MTREX: variants seen among roughly 807,000 people sequenced by gnomAD.
MTREX encodes the protein Mtr4 exosome RNA helicase.
In MTREX, 76 loss-of-function variants were observed where a neutral mutation model predicts 135.4. The observed-to-expected ratio is 0.56, with a 90% CI of 0.47 to 0.68. The LOEUF is 0.68. MTREX is among the 30% of genes least tolerant of loss of function. MTREX has a pLI of 0.00. For synonymous variants in MTREX, 404 were observed against 401.6 expected (o/e 1.01, Z -0.07); for missense variants, 920 against 1,262.1 (o/e 0.73, Z 4.11).
At chr5:55,384,474 A>G (rs1337132146) in intron 18 of MTREX, among the ~76,000 whole-genome samples, 1 of 152,164 alleles carries the variant, frequency 6.6e-6, no homozygotes, top group African/African-American at 2.4e-5. Flanking sequence ...TATAGTGGCA[A>G]CTTTTAAGTC....
intron 25 of MTREX, among the ~76,000 whole-genome samples, chr5:55,422,133 C>T (rs772831670): frequency 6.6e-6 from 1 of 152,160 alleles, no homozygotes; most frequent in Non-Finnish European, 1.5e-5. Context: ...TGAAGTCAAG[C>T]GTTTTAGATT....
chr5:55,424,594 T>C, intron 26 of MTREX, 126 bp from the exon 27 acceptor site: 1 of 643,172 alleles, frequency 1.6e-6, no homozygotes, highest in Non-Finnish European at 2.8e-6. Context: ...AGCAAGGTGT[T>C]TGACTTTCTA....
At chr5:55,319,369 T>C (rs192830712) in intron 1 of MTREX, among the ~76,000 whole-genome samples, 16 of 152,368 alleles carry the variant, frequency 1.1e-4, no homozygotes, top group African/African-American at 3.1e-4. Context: ...TGTACTAGTC[T>C]TTGAATTTCA....
chr5:55,332,638 T>A (rs768771960), intron 5 of MTREX, among the ~76,000 whole-genome samples: 1 of 152,188 alleles, frequency 6.6e-6, no homozygotes, highest in Non-Finnish European at 1.5e-5. Context: ...GAGAGGAAAT[T>A]GGGCCTAACT....
At position 55,308,011 on chromosome 5, in the gene MTREX, A is replaced by G. The variant is rs763488508; in HGVS notation, c.-3A>G. 1.9e-6 allele frequency: 3 copies of G among 1,614,054 alleles called. No individual in the cohort carries two copies. Among genetic ancestry groups the G allele is most frequent in the Non-Finnish European group, 2.5e-6 (3 of 1,180,038 alleles). On this transcript the variant is annotated 5_prime_UTR_variant, in exon 1 of 27. Coordinates refer to ENST00000230640, the MANE Select transcript of MTREX (RefSeq NM_015360.5). ...GGGAGATTTGCTCTCACTGCTCCCA[A>G]AAATGGCGGACGCATTCGGAGATGA...
chr5:55,307,999 T>C lies in MTREX; in HGVS notation c.-15T>C. 1.2e-6 allele frequency: 2 copies of C among 1,614,140 alleles called. No homozygotes were observed. The highest frequency in any genetic ancestry group is 1.7e-6 in the Non-Finnish European group (2 of 1,180,000). On this transcript the variant is annotated 5_prime_UTR_variant, in exon 1 of 27. Transcript: ENST00000230640. ...TCGTGGGTAGGAGGGAGATTTGCTC[T>C]CACTGCTCCCAAAAATGGCGGACGC... is the stretch of plus-strand genomic sequence containing the variant.
Position 55,397,485 on chromosome 5 carries a change from C to T in MTREX, c.2251C>T (p.Arg751Trp). ...TAGGCTTTACATTCCTAAAGACCTTCGGCCGGTGGACAATAGACAGAGTGT... is the reference window on the plus strand; with the variant it reads ...TAGGCTTTACATTCCTAAAGACCTTTGGCCGGTGGACAATAGACAGAGTGT... ...SVRLYIPKDL[R>W]PVDNRQSVLK... is the part of the protein sequence containing the mutation. Residue 751 changes from arginine (R) to tryptophan (W), a missense_variant, in exon 20 of 27, where the codon CGG becomes TGG. By Grantham distance (101) the Arg-to-Trp change is moderately radical. Around this residue, in one of 6 missense-constraint regions of MTREX, gnomAD observed 467 missense variants for 589.7 expected, o/e 0.79. Coordinates refer to ENST00000230640, the MANE Select transcript of MTREX (RefSeq NM_015360.5). The T allele has an allele frequency of 1.2e-6, 2 of 1,610,062 alleles. No individual in the cohort carries two copies. The highest frequency in any genetic ancestry group is 1.7e-6 in the Non-Finnish European group (2 of 1,177,128).
chr5:55,353,065 A>T, intron 13 of MTREX, 103 bp from the exon 14 acceptor site: 2 of 602,114 alleles, frequency 3.3e-6, no homozygotes, highest in Non-Finnish European at 5.4e-6. Flanking sequence ...GTAGGATCTC[A>T]TTAACTAATT....
At chr5:55,310,879 G>A (rs1232842539) in intron 1 of MTREX, among the ~76,000 whole-genome samples, 3 of 152,144 alleles carry the variant, frequency 2.0e-5, no homozygotes, top group African/African-American at 7.2e-5. Flanking sequence ...CTGGCCTCAA[G>A]CATTCCTCCC....
intron 25 of MTREX, among the ~76,000 whole-genome samples, chr5:55,417,325 ATAT>A (rs1184052225): frequency 2.6e-5 from 4 of 152,164 alleles, no homozygotes; most frequent in African/African-American, 7.2e-5. Context: ...TTCAGGGTAG[ATAT>A]TATCTCCACT....
At chr5:55,331,929 G>A (rs1265085363) in intron 5 of MTREX, among the ~76,000 whole-genome samples, 1 of 152,064 alleles carries the variant, frequency 6.6e-6, no homozygotes, top group Non-Finnish European at 1.5e-5. Context: ...GGTGGGTAAA[G>A]CCAGTTTCTG....
chr5:55,321,836 C>T (rs979251703), intron 1 of MTREX, among the ~76,000 whole-genome samples: 7 of 151,900 alleles, frequency 4.6e-5, no homozygotes, highest in African/African-American at 7.3e-5. Flanking sequence ...CTCTAACTCC[C>T]GACCTCAAGT....
chr5:55,364,233 G>A (rs908408732), intron 15 of MTREX, among the ~76,000 whole-genome samples: 1 of 152,194 alleles, frequency 6.6e-6, no homozygotes, highest in Non-Finnish European at 1.5e-5. Context: ...GATTTGTGTG[G>A]ATACTTATAG....
chr5:55,321,977 A>G (rs1207744703), intron 1 of MTREX, among the ~76,000 whole-genome samples: 1 of 152,204 alleles, frequency 6.6e-6, no homozygotes, highest in African/African-American at 2.4e-5. Context: ...TCCAAATAGT[A>G]GTATCATGCC....
chr5:55,315,673 C>G (rs1320603571), intron 1 of MTREX, among the ~76,000 whole-genome samples: 2 of 152,028 alleles, frequency 1.3e-5, no homozygotes, highest in African/African-American at 4.8e-5. Flanking sequence ...GTACTTCATA[C>G]AAATCTCCAT....
intron 5 of MTREX, among the ~76,000 whole-genome samples, chr5:55,337,101 G>A (rs919209625): frequency 6.6e-6 from 1 of 151,740 alleles, no homozygotes; most frequent in Non-Finnish European, 1.5e-5. Context: ...GCCAATTTTG[G>A]TAAACCGTGT....
intron 19 of MTREX, among the ~76,000 whole-genome samples, chr5:55,391,872 CT>C (rs1414104267): frequency 6.8e-6 from 1 of 147,754 alleles, no homozygotes; most frequent in Non-Finnish European, 1.5e-5. Context: ...CCTTCCTGCC[CT>C]TAGAAACCCT....
chr5:55,388,409 A>G (rs1159227232), intron 19 of MTREX, among the ~76,000 whole-genome samples: 1 of 152,150 alleles, frequency 6.6e-6, no homozygotes, highest in Non-Finnish European at 1.5e-5. Flanking sequence ...ATTTTTCATT[A>G]TCCTTGCTTG....
rs1751134623 is a variant in MTREX at position 55,425,042 on chromosome 5, G to T, written c.*270G>T. 3 of 985,746 alleles carry T rather than the reference G, an allele frequency of 3.0e-6. No homozygotes were observed. In the South Asian group the frequency reaches 5.1e-5, roughly 17 times the overall value. The allele number at this position is 985,746 out of a possible 1,614,324, so 61.1% of individuals were successfully genotyped here. On this transcript the variant is annotated 3_prime_UTR_variant, in exon 27 of 27. Coordinates refer to ENST00000230640, the MANE Select transcript of MTREX (RefSeq NM_015360.5). ...TTTAGAGCTATTAGATAACCACTGA[G>T]TTAAAGGTAACTATGTACACACAAA...
Sources: allele counts gnomAD v4.1 joint callset (sites outside exome capture counted in the v4.1 genomes callset), GRCh38; gene constraint gnomAD v4.1.1; regional missense constraint gnomAD v4.1.1; transcripts MANE v1.5; gene names NCBI Gene and HGNC (gene_info 2026-07-23, HGNC 2026-07-21).